Variants in VDAC2 observed in about 807,000 individuals in gnomAD.
VDAC2 encodes voltage dependent anion channel 2, also known as non-selective voltage-gated ion channel VDAC2.
VDAC2 carries 6 observed loss-of-function variants against 36.6 expected under a neutral mutation model. That is an observed-to-expected ratio of 0.16 (90% CI 0.09 to 0.32). The LOEUF (loss-of-function observed/expected upper bound fraction) is 0.32. Among genes scored for constraint, VDAC2 ranks in the 10% least tolerant of loss-of-function variants. The probability of loss-of-function intolerance (pLI) is 1.00; values close to 1 mark genes in which losing one functional copy is unlikely to be tolerated. For synonymous variants in VDAC2, 109 were observed against 123.8 expected (o/e 0.88, Z 0.79); for missense variants, 247 against 346.0 (o/e 0.71, Z 2.27).
At chr10:75,221,631 G>A (rs1409086076) in intron 7 of VDAC2, among the ~76,000 whole-genome samples, 1 of 151,918 alleles carries the variant, frequency 6.6e-6, no homozygotes, top group Non-Finnish European at 1.5e-5. Flanking sequence ...TTGTTTTTTT[G>A]TTTGTTTGTT....
At chr10:75,216,532 A>G (rs987335664) in intron 4 of VDAC2, among the ~76,000 whole-genome samples, 8 of 152,252 alleles carry the variant, frequency 5.3e-5, no homozygotes, top group Non-Finnish European at 1.5e-5. Flanking sequence ...GATAAGTCCC[A>G]TTAATACCTG....
At chr10:75,214,958 G>A (rs1482530067) in intron 4 of VDAC2, among the ~76,000 whole-genome samples, 1 of 152,194 alleles carries the variant, frequency 6.6e-6, no homozygotes, top group Non-Finnish European at 1.5e-5. Flanking sequence ...AGGCTGGAGT[G>A]CAGTGAGTGC....
intron 4 of VDAC2, among the ~76,000 whole-genome samples, chr10:75,215,821 A>C (rs1841586759): frequency 6.6e-6 from 1 of 151,630 alleles, no homozygotes; most frequent in South Asian, 2.1e-4. Context: ...TCCCAGGTTC[A>C]AGTGATTCTC....
In VDAC2 at chr10:75,214,056, T is replaced by G. The variant is rs1212166235; in HGVS notation, c.136T>G (p.Ser46Ala). ...GLVKLDVKTK[S>A]CSGVEFSTSG... ...GGTGAAACTGGATGTGAAAACAAAG[T>G]CTTGCAGTGGCGTGGTGAGTGTTAC... Residue 46 changes from serine (S) to alanine (A), a missense_variant, in exon 4 of 10, where the codon TCT (serine) becomes GCT (alanine). Transcript: ENST00000332211. 3.7e-6 allele frequency: 6 copies of G among 1,613,272 alleles called. No homozygotes were observed. In the South Asian group the frequency reaches 6.6e-5, roughly 18 times the overall value.
In VDAC2 at chr10:75,210,891, C is replaced by T. The variant is rs1841389811; in HGVS notation, c.-73C>T. The stretch of plus-strand genomic sequence containing the variant: ...CGACCGCGAGCGTGCCAAGCGGCTT[C>T]AGCAGCTAGCGGAGCGGTGGCGGCG... On this transcript the variant is annotated 5_prime_UTR_variant, in exon 1 of 10. Transcript: ENST00000332211. 2 of 379,398 alleles carry T rather than the reference C, an allele frequency of 5.3e-6. No homozygotes were observed. Among genetic ancestry groups the T allele is most frequent in the Non-Finnish European group, 9.4e-6 (2 of 212,178 alleles). 23.5% of individuals were successfully genotyped at this position (379,398 alleles called of 1,614,324 possible).
chr10:75,220,584 G>T (rs1841782631), intron 6 of VDAC2, among the ~76,000 whole-genome samples, 159 bp from the exon 7 acceptor site: 1 of 152,166 alleles, frequency 6.6e-6, no homozygotes, highest in South Asian at 2.1e-4. Context: ...ATGTGTCCTT[G>T]TCTTGTAGTT....
chr10:75,227,894 CT>C (rs1412629152), intron 8 of VDAC2, among the ~76,000 whole-genome samples: 1 of 144,594 alleles, frequency 6.9e-6, no homozygotes, highest in Non-Finnish European at 1.5e-5. Flanking sequence ...TTCTTTCTTT[CT>C]TTCTTTTTTT....
chr10:75,221,712 G>C (rs552068003), intron 7 of VDAC2, among the ~76,000 whole-genome samples: 1 of 152,072 alleles, frequency 6.6e-6, no homozygotes, highest in Non-Finnish European at 1.5e-5. Flanking sequence ...GGCCTCAAGC[G>C]ATCCTCCCGC....
intron 9 of VDAC2, 132 bp downstream of exon 9, chr10:75,229,833 C>A: frequency 1.7e-6 from 1 of 576,584 alleles, no homozygotes; most frequent in South Asian, 3.9e-5. Flanking sequence ...ACGTGTTTAC[C>A]TTTTACCACA....
At chr10:75,211,400 G>A (rs2132248432) in intron 2 of VDAC2, 1 of 1,440,146 alleles carries the variant, frequency 6.9e-7, no homozygotes, top group East Asian at 2.5e-5. Flanking sequence ...TTGGTCTGTG[G>A]CCGCATGGAC....
intron 2 of VDAC2, chr10:75,211,496 C>G (rs964689710): frequency 8.1e-5 from 124 of 1,533,640 alleles, no homozygotes; most frequent in Non-Finnish European, 1.0e-4. Context: ...GGATCAATCA[C>G]TTTTCTAGAG....
chr10:75,224,417 C>T (rs1402763209), intron 8 of VDAC2, among the ~76,000 whole-genome samples: 1 of 151,882 alleles, frequency 6.6e-6, no homozygotes, highest in Non-Finnish European at 1.5e-5. Flanking sequence ...AGTGGCTCAT[C>T]GAAGCATGGT....
rs759881941 is a variant in VDAC2, at chr10:75,211,231, G to A, written c.31+42G>A. The stretch of plus-strand genomic sequence containing the variant: ...TCTCTGCGGGATGGGGCGGCGGAGA[G>A]TCGAAGCCTGTCGACCAGAAACCCA... On this transcript the variant is annotated intron_variant, in intron 2 of 9. Coordinates refer to ENST00000332211, the MANE Select transcript of VDAC2 (RefSeq NM_001391963.1). 1.9e-6 allele frequency: 3 copies of A among 1,603,596 alleles called. No individual in the cohort carries two copies. The South Asian group carries it at 3.4e-5, about 18-fold the overall frequency.
intron 4 of VDAC2, among the ~76,000 whole-genome samples, chr10:75,216,736 G>A (rs753437050): frequency 3.5e-4 from 54 of 152,258 alleles, no homozygotes; most frequent in Middle Eastern, 3.4e-3. Flanking sequence ...CTGATGAATG[G>A]CCGTAGGTGG....
chr10:75,229,021 C>T (rs1842035699), intron 8 of VDAC2, among the ~76,000 whole-genome samples: 1 of 152,184 alleles, frequency 6.6e-6, no homozygotes, highest in Admixed American at 6.5e-5. Context: ...GTACATGATA[C>T]CTCACTGGGA....
At chr10:75,217,273 A>G (rs1564711045) in intron 4 of VDAC2, among the ~76,000 whole-genome samples, 1 of 152,038 alleles carries the variant, frequency 6.6e-6, no homozygotes. Context: ...AAACCGCAAA[A>G]TGTTGTGTCC....
chr10:75,212,868 T>C (rs1234050817), intron 3 of VDAC2, among the ~76,000 whole-genome samples: 2 of 152,204 alleles, frequency 1.3e-5, no homozygotes, highest in African/African-American at 4.8e-5. Flanking sequence ...TTTTCAGTTA[T>C]AGCTTAGGCC....
rs1841710878 is a variant in VDAC2 at position 75,219,078 on chromosome 10, G to A, written c.166G>A (p.Gly56Ser). The A allele has an allele frequency of 1.2e-6, 2 of 1,604,494 alleles. No homozygotes were observed. The highest frequency in any genetic ancestry group is 1.7e-6 in the Non-Finnish European group (2 of 1,177,542). Residue 56 changes from glycine to serine, a missense_variant, in exon 5 of 10, where the codon GGT becomes AGT. Around this residue, in one of 3 missense-constraint regions of VDAC2, gnomAD observed 76 missense variants for 76.9 expected, o/e 0.99. Coordinates refer to ENST00000332211, the MANE Select transcript of VDAC2 (RefSeq NM_001391963.1). Reference sequence around the variant, plus strand: ...GTCTTGTTAGGAATTTTCAACGTCCGGTTCATCTAATACAGACACTGGTAA... The same window carrying A: ...GTCTTGTTAGGAATTTTCAACGTCCAGTTCATCTAATACAGACACTGGTAA... ...SCSGVEFSTS[G>S]SSNTDTGKVT...
Position 75,212,664 on chromosome 10 carries a change from T to G in VDAC2, c.100+366T>G, listed in dbSNP as rs546378819. Among the ~76,000 whole-genome samples the G allele has an allele frequency of 1.7e-3, 254 of 152,308 alleles. 2 individuals are homozygous for G. Among genetic ancestry groups the G allele is most frequent in the Non-Finnish European group, 5.1e-4 (35 of 68,028 alleles). On this transcript the variant is annotated intron_variant, in intron 3 of 9. Transcript: ENST00000332211. ...GTGGCCTCTCAAAGCCTGGTTGGAT[T>G]ACGTTACAGACATGAGCCACTGTGC...
Sources: allele counts gnomAD v4.1 joint callset (sites outside exome capture counted in the v4.1 genomes callset), GRCh38; gene constraint gnomAD v4.1.1; regional missense constraint gnomAD v4.1.1; transcripts MANE v1.5; gene names NCBI Gene and HGNC (gene_info 2026-07-23, HGNC 2026-07-21).